Variants in DMRT1 observed in about 807,000 individuals in gnomAD.
DMRT1 encodes doublesex and mab-3 related transcription factor 1.
Under a neutral mutation model 32.3 loss-of-function variants are expected in DMRT1, and 7 were observed. The ratio of observed to expected loss-of-function variants is 0.22; its 90% CI spans 0.12 to 0.41. The LOEUF (loss-of-function observed/expected upper bound fraction) is 0.41, where lower values mean the gene tolerates loss of function less well. DMRT1 is among the 10% of genes least tolerant of loss of function. The probability of loss-of-function intolerance (pLI) is 1.00; values close to 1 mark genes in which losing one functional copy is unlikely to be tolerated. For missense variants in DMRT1, 625 were observed against 500.5 expected (o/e 1.25, Z -2.37); for synonymous variants, 278 against 206.1 (o/e 1.35, Z -2.99).
chr9:907,888 A>G (rs533655597), intron 3 of DMRT1, among the ~76,000 whole-genome samples: 2 of 151,874 alleles, frequency 1.3e-5, no homozygotes, highest in South Asian at 4.2e-4. Flanking sequence ...CTGACTGCAT[A>G]CTGAATTATT....
At chr9:912,319 C>G (rs1034645071) in intron 3 of DMRT1, among the ~76,000 whole-genome samples, 1 of 152,210 alleles carries the variant, frequency 6.6e-6, no homozygotes, top group Non-Finnish European at 1.5e-5. Context: ...AGTGAGGACA[C>G]AGAGCCAAAC....
intron 2 of DMRT1, among the ~76,000 whole-genome samples, chr9:866,498 T>C (rs1440256776): frequency 3.4e-5 from 5 of 146,392 alleles, no homozygotes; most frequent in African/African-American, 1.3e-4. Context: ...TTAAAGTGTT[T>C]AGTTTCAGAA....
intron 4 of DMRT1, among the ~76,000 whole-genome samples, chr9:930,779 A>AG (rs1564259190): frequency 7.5e-4 from 88 of 117,180 alleles, no homozygotes; most frequent in African/African-American, 4.9e-3. Context: ...CTGGGCCTCA[A>AG]GCGGCCTGTT....
intron 3 of DMRT1, among the ~76,000 whole-genome samples, chr9:901,483 T>A (rs796499985): frequency 3.3e-5 from 5 of 151,842 alleles, no homozygotes; most frequent in African/African-American, 1.2e-4. Context: ...CCTGCCACCA[T>A]GCCTGGCTAA....
At chr9:864,517 GAGA>G (rs1815877141) in intron 2 of DMRT1, among the ~76,000 whole-genome samples, 1 of 21,104 alleles carries the variant, frequency 4.7e-5, no homozygotes, top group African/African-American at 1.4e-4. Context: ...TTTTTTTTTT[GAGA>G]CGGAGTCTTG....
intron 3 of DMRT1, among the ~76,000 whole-genome samples, chr9:903,817 G>C (rs1182329922): frequency 6.6e-6 from 1 of 152,218 alleles, no homozygotes. Context: ...AAGGAGTGCA[G>C]ACCTGGGCAT....
intron 4 of DMRT1, among the ~76,000 whole-genome samples, chr9:953,679 A>G (rs1247945640): frequency 6.6e-6 from 1 of 152,150 alleles, no homozygotes; most frequent in Admixed American, 6.5e-5. Flanking sequence ...TGGGGCCAGC[A>G]ATCATCTCTT....
chr9:894,299 A>T, intron 3 of DMRT1, 104 bp downstream of exon 3: 4 of 1,245,950 alleles, frequency 3.2e-6, no homozygotes, highest in Non-Finnish European at 4.7e-6. Flanking sequence ...TTGTGCGCCC[A>T]GAGGCACACA....
intron 3 of DMRT1, among the ~76,000 whole-genome samples, chr9:911,966 T>C (rs2129744972): frequency 6.6e-6 from 1 of 152,280 alleles, no homozygotes; most frequent in South Asian, 2.1e-4. Context: ...TACTAGTCTG[T>C]TCTCACACTG....
At chr9:935,985 A>G (rs573486108) in intron 4 of DMRT1, among the ~76,000 whole-genome samples, 221 of 152,326 alleles carry the variant, frequency 1.5e-3, no homozygotes, top group Admixed American at 4.1e-3. Context: ...AGTCGTTTTC[A>G]AGGCTGGAGA....
intron 3 of DMRT1, among the ~76,000 whole-genome samples, chr9:904,094 A>G (rs1817684894): frequency 6.6e-6 from 1 of 152,220 alleles, no homozygotes; most frequent in African/African-American, 2.4e-5. Context: ...AGGTTGTTAC[A>G]TTACCTATTA....
At chr9:878,200 G>GCACCCCCCCCC (rs1816584290) in intron 2 of DMRT1, among the ~76,000 whole-genome samples, 1 of 94,040 alleles carries the variant, frequency 1.1e-5, no homozygotes. Flanking sequence ...TGCAGCTGCT[G>GCACCCCCCCCC]CCCCCCCCCC....
chr9:850,556 G>C (rs1233604793), intron 2 of DMRT1, among the ~76,000 whole-genome samples: 1 of 152,166 alleles, frequency 6.6e-6, no homozygotes, highest in Admixed American at 6.5e-5. Flanking sequence ...AGGTCTGTTT[G>C]TCATTCCAGG....
At chr9:911,500 T>C (rs1417976976) in intron 3 of DMRT1, among the ~76,000 whole-genome samples, 1 of 111,172 alleles carries the variant, frequency 9.0e-6, no homozygotes, top group Non-Finnish European at 1.8e-5. Flanking sequence ...TTTTTTTTTT[T>C]TTTTTTTTTT....
chr9:900,464 A>G (rs1817529494), intron 3 of DMRT1, among the ~76,000 whole-genome samples: 1 of 151,922 alleles, frequency 6.6e-6, no homozygotes, highest in South Asian at 2.1e-4. Context: ...TCACTTTCCA[A>G]AGTATCTGCT....
chr9:963,357 C>T (rs900193486), intron 4 of DMRT1, among the ~76,000 whole-genome samples: 1 of 152,232 alleles, frequency 6.6e-6, no homozygotes, highest in African/African-American at 2.4e-5. Context: ...TCCACTCTCT[C>T]ATCACTACTC....
intron 1 of DMRT1, among the ~76,000 whole-genome samples, chr9:846,193 C>T (rs1838896968): frequency 6.6e-6 from 1 of 151,876 alleles, no homozygotes; most frequent in Non-Finnish European, 1.5e-5. Context: ...ACATGCCTGG[C>T]TAATTTTTGT....
intron 3 of DMRT1, among the ~76,000 whole-genome samples, chr9:896,005 A>T (rs961505412): frequency 6.6e-6 from 1 of 151,710 alleles, no homozygotes; most frequent in African/African-American, 2.4e-5. Context: ...GGGTTTCACC[A>T]TGGTGGCCAC....
chr9:882,531 C>G (rs1020063947), intron 2 of DMRT1, among the ~76,000 whole-genome samples: 4 of 152,122 alleles, frequency 2.6e-5, no homozygotes, highest in Admixed American at 6.5e-5. Context: ...CTCCTCCAGG[C>G]CAGGGTTTTG....
Sources: gnomAD v4.1 joint callset for allele counts (sites outside exome capture counted in the v4.1 genomes callset) on GRCh38, gnomAD v4.1.1 for gene constraint, MANE v1.5 for transcripts, NCBI Gene and HGNC (gene_info 2026-07-23, HGNC 2026-07-21) for gene names.